The following IK variants were observed in gnomAD, a reference collection of about 807,000 sequenced individuals.
The protein encoded by IK is protein Red.
IK carries 47 observed loss-of-function variants against 90.9 expected under a neutral mutation model. The ratio of observed to expected loss-of-function variants is 0.52; its 90% CI spans 0.41 to 0.66. The LOEUF is 0.66. Ranked by LOEUF, IK falls within the 30% of genes least tolerant of loss-of-function variation. The pLI, the probability that IK is intolerant of heterozygous loss-of-function variation, is 0.00. For missense variants in IK, 385 were observed against 709.3 expected (o/e 0.54, Z 5.19); for synonymous variants, 201 against 227.5 (o/e 0.88, Z 1.05).
chr5:140,661,631 G>T lies in IK; in HGVS notation c.1425G>T (p.Lys475Asn). Residue 475 changes from lysine (K) to asparagine (N), a missense_variant, in exon 17 of 20, where the codon AAG becomes AAT. Physicochemically the swap from Lys to Asn is moderately conservative, Grantham distance 94 (BLOSUM62 0). This residue lies in a region of IK where 23 missense variants were observed against 115.2 expected (regional missense o/e 0.20). Transcript: ENST00000417647. The surrounding 1 kb of genome is among the most constrained non-coding windows in gnomAD (Gnocchi z 4.2). The part of the protein sequence containing the change: ...DYSKMDQGNK[K>N]GPLGRWDFDT... ...CTGTCCTGCAACAGGGTAACAAGAA[G>T]GGGCCCTTAGGCCGTTGGGACTTTG... is the stretch of plus-strand genomic sequence containing the variant. 6.2e-7 allele frequency: 1 copy of T among 1,607,194 alleles called. No homozygotes were observed. The highest frequency in any genetic ancestry group is 8.5e-7 in the Non-Finnish European group (1 of 1,176,510).
chr5:140,650,384 G>A (rs1350460885), intron 2 of IK, among the ~76,000 whole-genome samples: 7 of 152,126 alleles, frequency 4.6e-5, no homozygotes, highest in African/African-American at 1.2e-4. Flanking sequence ...GCAGGCCAAG[G>A]AAGAGCCCTA....
At chr5:140,648,571 T>A (rs1052639726) in intron 2 of IK, 34 bp downstream of exon 2, 3 of 1,584,834 alleles carry the variant, frequency 1.9e-6, no homozygotes, top group Non-Finnish European at 2.6e-6. Context: ...TGGAAATGAG[T>A]TGGGCAATGA....
At chr5:140,659,568 G>A (rs1757767202) in intron 13 of IK, among the ~76,000 whole-genome samples, 188 bp from the exon 14 acceptor site, 1 of 152,128 alleles carries the variant, frequency 6.6e-6, no homozygotes, top group African/African-American at 2.4e-5. Flanking sequence ...GTGAGGTAGA[G>A]GTCAAGTATG....
Position 140,658,977 on chromosome 5 carries a change from C to T in IK, c.989C>T (p.Thr330Ile). ...EDIGDYVPST[T>I]KTPRDKERER... ...ATTGGGGATTACGTACCCTCCACAA[C>T]CAAGACACCTCGGGACAAGGAGCGG... Residue 330 changes from threonine (T) to isoleucine (I), a missense_variant, in exon 12 of 20, where the codon ACC becomes ATC. Around this residue, in one of 8 missense-constraint regions of IK, gnomAD observed 139 missense variants for 172.0 expected, o/e 0.81. Coordinates refer to ENST00000417647, the MANE Select transcript of IK (RefSeq NM_006083.4). 6.2e-7 allele frequency: 1 copy of T among 1,613,916 alleles called. No homozygotes were observed. Among genetic ancestry groups the T allele is most frequent in the Non-Finnish European group, 8.5e-7 (1 of 1,179,872 alleles).
rs754618942 is a variant in IK, at chr5:140,653,217, TCTTA to T, written c.404+77_404+80del. ...ATGCAAATACAATGTGAACTCTTCCTCTTACTTTCCTGCCCTGGAGCCTACAATA... is the reference window on the plus strand; with the variant it reads ...ATGCAAATACAATGTGAACTCTTCCTCTTTCCTGCCCTGGAGCCTACAATA... On this transcript the variant is annotated intron_variant, in intron 5 of 19. Transcript: ENST00000417647. 6.7e-4 allele frequency: 915 copies of T among 1,356,406 alleles called. 3 individuals carry two copies. Among genetic ancestry groups the T allele is most frequent in the Non-Finnish European group, 9.0e-4 (875 of 975,410 alleles). 84.0% of individuals were successfully genotyped at this position (1,356,406 alleles called of 1,614,324 possible). A position where few individuals can be genotyped will look rare whatever the true frequency, so the allele number is the denominator to read the frequency against.
At chr5:140,658,860 A>G in intron 11 of IK, 79 bp from the exon 12 acceptor site, 1 of 1,600,516 alleles carries the variant, frequency 6.2e-7, no homozygotes, top group Non-Finnish European at 8.6e-7. Context: ...AGGTGCTGAC[A>G]TGAGAATCTG....
In IK at chr5:140,660,741, C is replaced by T; in HGVS notation, c.1356-17C>T. The T allele has an allele frequency of 1.2e-6, 2 of 1,608,922 alleles. No homozygotes were observed. Among genetic ancestry groups the T allele is most frequent in the Non-Finnish European group, 1.7e-6 (2 of 1,175,380 alleles). ...GTCAGGGTATGCAACATCTGTTTAACTCTTGCTTCTCCTTAGGATGGATGA... is the reference window on the plus strand; with the variant it reads ...GTCAGGGTATGCAACATCTGTTTAATTCTTGCTTCTCCTTAGGATGGATGA... On this transcript the variant is annotated splice_polypyrimidine_tract_variant and intron_variant, in intron 15 of 19. Transcript: ENST00000417647.
chr5:140,651,177 C>T (rs1273692136), intron 2 of IK, among the ~76,000 whole-genome samples: 5 of 152,140 alleles, frequency 3.3e-5, no homozygotes, highest in Admixed American at 2.0e-4. Context: ...TCTGGTCGGG[C>T]GTGGTGGCTT....
chr5:140,656,318 A>G (rs544624998), intron 9 of IK, among the ~76,000 whole-genome samples: 19 of 152,310 alleles, frequency 1.2e-4, no homozygotes, highest in Non-Finnish European at 2.4e-4. Context: ...GCAGCCTTCC[A>G]AGTAGCTGGG....
chr5:140,659,973 T>A (rs1757774223), intron 14 of IK, 139 bp downstream of exon 14: 1 of 933,900 alleles, frequency 1.1e-6, no homozygotes, highest in East Asian at 2.6e-5. Flanking sequence ...AACCATCCCT[T>A]GTTCCTTCCC....
rs1757640736 is a variant in IK at position 140,652,959 on chromosome 5, G to A, written c.237-18G>A. 1 of 1,611,838 alleles carries A rather than the reference G, an allele frequency of 6.2e-7. No individual in the cohort carries two copies. The highest frequency in any genetic ancestry group is 1.3e-5 in the African/African-American group (1 of 74,850). On this transcript the variant is annotated intron_variant, in intron 4 of 19. Coordinates refer to ENST00000417647, the MANE Select transcript of IK (RefSeq NM_006083.4). ...AGCAGCTGATGAGCCTTATACATTT[G>A]CCTTTCTCTGGTCACAGTTATTATG...
At chr5:140,654,807 C>A in intron 8 of IK, 80 bp downstream of exon 8, 3 of 911,916 alleles carry the variant, frequency 3.3e-6, no homozygotes, top group Non-Finnish European at 5.1e-6. Flanking sequence ...GGATATGCTT[C>A]TCCTTTCCCC....
At chr5:140,657,462 T>C (rs1757731027) in intron 9 of IK, 92 bp from the exon 10 acceptor site, 1 of 868,242 alleles carries the variant, frequency 1.2e-6, no homozygotes, top group African/African-American at 1.7e-5. Flanking sequence ...TACTGTATTG[T>C]AATTCAGTCT....
In IK at chr5:140,660,764, T is replaced by A; in HGVS notation, c.1362T>A (p.Asp454Glu). ...SYAECYPATM[D>E]DMAVDSDEEV... is the part of the protein sequence containing the mutation. Reference sequence around the variant, plus strand: ...AACTCTTGCTTCTCCTTAGGATGGATGACATGGCTGTGGATAGTGATGAGG... The same window carrying A: ...AACTCTTGCTTCTCCTTAGGATGGAAGACATGGCTGTGGATAGTGATGAGG... Residue 454 changes from aspartate (D) to glutamate (E), a missense_variant, in exon 16 of 20, where the codon GAT becomes GAA. Physicochemically the swap from Asp to Glu is conservative, Grantham distance 45. Around this residue, in one of 8 missense-constraint regions of IK, gnomAD observed 23 missense variants for 115.2 expected, o/e 0.20. Transcript: ENST00000417647. 1 of 1,613,342 alleles carries A rather than the reference T, an allele frequency of 6.2e-7. No homozygotes were observed. Among genetic ancestry groups the A allele is most frequent in the Non-Finnish European group, 8.5e-7 (1 of 1,179,308 alleles).
Position 140,659,386 on chromosome 5 carries a change from T to A in IK, c.1195+53T>A, listed in dbSNP as rs964084239. 6 of 1,604,684 alleles carry A rather than the reference T, an allele frequency of 3.7e-6. No homozygotes were observed. In the African/African-American group the frequency reaches 8.0e-5, roughly 21 times the overall value. The stretch of plus-strand genomic sequence containing the variant: ...TTGCTCTAGCAGTCCTGCTTTCCCC[T>A]GGTAGGGCTCAGAGCTGGCAACGGT... On this transcript the variant is annotated intron_variant, in intron 13 of 19. Transcript: ENST00000417647.
Position 140,658,956 on chromosome 5 carries a change from G to T in IK, c.968G>T (p.Gly323Val). The T allele has an allele frequency of 6.2e-7, 1 of 1,613,922 alleles. No homozygotes were observed. Among genetic ancestry groups the T allele is most frequent in the Non-Finnish European group, 8.5e-7 (1 of 1,179,878 alleles). ...EADMNIFEDI[G>V]DYVPSTTKTP... ...TTTCCCAGTATTTTTGAAGACATTGGGGATTACGTACCCTCCACAACCAAG... is the reference window on the plus strand; with the variant it reads ...TTTCCCAGTATTTTTGAAGACATTGTGGATTACGTACCCTCCACAACCAAG... The change falls in exon 12 of 20, where the codon GGG becomes GTG. Residue 323 changes from glycine to valine, a missense_variant. This residue lies in a region of IK where 139 missense variants were observed against 172.0 expected (regional missense o/e 0.81). Transcript: ENST00000417647.
chr5:140,660,292 C>CTGTTTTTTTTT (rs1757781473), intron 15 of IK, 97 bp downstream of exon 15: 1 of 245,104 alleles, frequency 4.1e-6, no homozygotes, highest in African/African-American at 5.2e-5. Flanking sequence ...AGGGCTACTT[C>CTGTTTTTTTTT]TTTTTTTTTT....
At chr5:140,658,864 G>C (rs1325520133) in intron 11 of IK, 75 bp from the exon 12 acceptor site, 1 of 1,600,484 alleles carries the variant, frequency 6.2e-7, no homozygotes, top group South Asian at 1.1e-5. Flanking sequence ...GCTGACATGA[G>C]AATCTGGAGA....
rs1757798128 is a variant in IK, at chr5:140,661,218, A to G, written c.1414-402A>G. 1.6e-5 allele frequency: 4 copies of G among 251,052 alleles called. No individual in the cohort carries two copies. Among genetic ancestry groups the G allele is most frequent in the Non-Finnish European group, 3.0e-5 (4 of 132,368 alleles). 15.6% of individuals were successfully genotyped at this position (251,052 alleles called of 1,614,324 possible). On this transcript the variant is annotated intron_variant, in intron 16 of 19. Coordinates refer to ENST00000417647, the MANE Select transcript of IK (RefSeq NM_006083.4). This position sits in a 1 kb window ranked among gnomAD's most constrained non-coding sequence, Gnocchi z 4.2. ...AAAGAAAAAAACCACTAATGCCACT[A>G]ATAGTGAAGAAGTCTGTGTTCTTCC... is the stretch of plus-strand genomic sequence containing the variant.
Sources: gnomAD v4.1 joint callset for allele counts (sites outside exome capture counted in the v4.1 genomes callset) on GRCh38, gnomAD v4.1.1 for gene constraint, gnomAD v4.1.1 regional missense constraint, Gnocchi (gnomAD v3.1) non-coding constraint, MANE v1.5 for transcripts, NCBI Gene and HGNC (gene_info 2026-07-23, HGNC 2026-07-21) for gene names.